Variants in PLEKHA7 observed in about 807,000 individuals in gnomAD.
PLEKHA7 encodes the protein pleckstrin homology domain containing A7, also known as pleckstrin homology domain-containing family A member 7.
Under a neutral mutation model 170.0 loss-of-function variants are expected in PLEKHA7, and 104 were observed. The observed-to-expected ratio is 0.61, with a 90% CI of 0.52 to 0.72. PLEKHA7 has a LOEUF of 0.72. Among genes scored for constraint, PLEKHA7 ranks in the 30% least tolerant of loss-of-function variants. The pLI is 0.00. For synonymous variants in PLEKHA7, 648 were observed against 660.8 expected, an observed-to-expected ratio of 0.98 and a Z score of 0.30; for missense variants, 1,615 against 1,671.7, an observed-to-expected ratio of 0.97 and a Z score of 0.59.
At chr11:16,966,181 T>C (rs1862360733) in intron 3 of PLEKHA7, among the ~76,000 whole-genome samples, 1 of 152,082 alleles carries the variant, frequency 6.6e-6, no homozygotes, top group Admixed American at 6.5e-5. Flanking sequence ...AGACTCCATC[T>C]AAAACAAACA....
At chr11:16,975,084 T>G (rs1286052708) in intron 3 of PLEKHA7, 1 of 655,422 alleles carries the variant, frequency 1.5e-6, no homozygotes, top group African/African-American at 1.9e-5. Context: ...TGTACAGTTC[T>G]ATGAGATTTC....
chr11:16,965,116 C>T (rs1862290645), intron 3 of PLEKHA7, among the ~76,000 whole-genome samples: 1 of 151,892 alleles, frequency 6.6e-6, no homozygotes, highest in South Asian at 2.1e-4. Context: ...TGAGACCAGC[C>T]TGGCCAACAT....
At chr11:16,858,260 T>C (rs1853635919) in intron 4 of PLEKHA7, among the ~76,000 whole-genome samples, 1 of 152,220 alleles carries the variant, frequency 6.6e-6, no homozygotes, top group Non-Finnish European at 1.5e-5. Flanking sequence ...ATCAAAATTA[T>C]ATATGTGACT....
intron 9 of PLEKHA7, among the ~76,000 whole-genome samples, chr11:16,828,317 C>T (rs1331649572): frequency 1.3e-5 from 2 of 152,168 alleles, no homozygotes; most frequent in African/African-American, 4.8e-5. Flanking sequence ...AGCGTCTTTT[C>T]TCTTTTTGCT....
chr11:16,969,304 A>G (rs1862568462), intron 3 of PLEKHA7, among the ~76,000 whole-genome samples: 1 of 152,206 alleles, frequency 6.6e-6, no homozygotes, highest in Non-Finnish European at 1.5e-5. Flanking sequence ...ATACAGCCAT[A>G]TGGAATCTAA....
rs1428994747 is a variant in PLEKHA7, at chr11:16,778,462, A to C, written c.*536T>G. On this transcript the variant is annotated 3_prime_UTR_variant, in exon 27 of 27. Coordinates refer to ENST00000531066, the MANE Select transcript of PLEKHA7 (RefSeq NM_001329630.2). Reference sequence around the variant, plus strand: ...GGAGTTTCACACAGAGCTGGTCATCAGGTCAGGGACAGCTGATCTCTGCAG... The same window carrying C: ...GGAGTTTCACACAGAGCTGGTCATCCGGTCAGGGACAGCTGATCTCTGCAG... 6.2e-6 allele frequency: 1 copy of C among 162,162 alleles called. No individual in the cohort carries two copies. The highest frequency in any genetic ancestry group is 1.4e-5 in the Non-Finnish European group (1 of 73,338). The allele number at this position is 162,162 out of a possible 1,614,324, so 10.0% of individuals were successfully genotyped here.
In PLEKHA7 at chr11:16,801,119, C is replaced by T. The variant is rs553890096; in HGVS notation, c.2308-44G>A. 1.1e-5 allele frequency: 18 copies of T among 1,565,914 alleles called. No homozygotes were observed. In the East Asian group the frequency reaches 3.8e-4, roughly 33 times the overall value. ...CTTCCGGTTCTTAGTTATCCCCTGCCCCCTTGGAAGGCCTCACGAACACCT... is the reference window on the plus strand; with the variant it reads ...CTTCCGGTTCTTAGTTATCCCCTGCTCCCTTGGAAGGCCTCACGAACACCT... On this transcript the variant is annotated intron_variant, in intron 16 of 26. Transcript: ENST00000531066.
intron 3 of PLEKHA7, among the ~76,000 whole-genome samples, chr11:16,879,274 CCTTA>C (rs1855534916): frequency 6.6e-6 from 1 of 152,184 alleles, no homozygotes; most frequent in African/African-American, 2.4e-5. Flanking sequence ...ATTCCTTACT[CCTTA>C]CTTATCTCCT....
intron 3 of PLEKHA7, 138 bp downstream of exon 3, chr11:17,013,851 T>G: frequency 1.4e-5 from 14 of 1,008,750 alleles, no homozygotes; most frequent in Non-Finnish European, 1.9e-5. Flanking sequence ...ACACAAAACG[T>G]TGAGTGTGGC....
intron 3 of PLEKHA7, among the ~76,000 whole-genome samples, chr11:16,935,575 T>C (rs1249241288): frequency 6.6e-6 from 1 of 152,318 alleles, no homozygotes; most frequent in South Asian, 2.1e-4. Context: ...TTTGGAGACA[T>C]AAAAGTTATT....
Position 16,783,756 on chromosome 11 carries a change from C to T in PLEKHA7, c.3594G>A (p.Glu1198=). Residue 1198 remains glutamate (E), a synonymous_variant, in exon 25 of 27, where the codon GAG becomes GAA. Transcript: ENST00000531066. ...CGGCTTTGCGGTACCGCGCCTGCAG[C>T]TCCTCAAGGCTGGGTGGCTCTTCGG... ...LDPEEPPSLE[E]LQARYRKAEK... The T allele has an allele frequency of 6.6e-7, 1 of 1,511,024 alleles. No homozygotes were observed. The allele number at this position is 1,511,024 out of a possible 1,614,324, so 93.6% of individuals were successfully genotyped here.
intron 3 of PLEKHA7, among the ~76,000 whole-genome samples, chr11:16,965,004 T>TAA (rs11447088): frequency 1.6e-4 from 23 of 148,238 alleles, no homozygotes; most frequent in African/African-American, 4.2e-4. Flanking sequence ...ATACATGATT[T>TAA]AAAAAAAAAA....
chr11:16,962,795 C>T (rs1862145660), intron 3 of PLEKHA7, among the ~76,000 whole-genome samples: 1 of 152,152 alleles, frequency 6.6e-6, no homozygotes, highest in African/African-American at 2.4e-5. Context: ...TGGCAGCCTC[C>T]CCTGAACTTG....
At chr11:16,842,809 G>T (rs1006773791) in intron 8 of PLEKHA7, among the ~76,000 whole-genome samples, 18 of 152,126 alleles carry the variant, frequency 1.2e-4, no homozygotes, top group African/African-American at 4.3e-4. Flanking sequence ...CCTACTATGT[G>T]TCTCCTAGGT....
chr11:16,816,736 C>A, intron 11 of PLEKHA7, 64 bp downstream of exon 11: 1 of 1,565,034 alleles, frequency 6.4e-7, no homozygotes, highest in Non-Finnish European at 8.7e-7. Context: ...TGTGTTCAAA[C>A]CAGGCAAAGC....
chr11:16,943,988 G>A (rs1270693076), intron 3 of PLEKHA7, among the ~76,000 whole-genome samples: 2 of 152,228 alleles, frequency 1.3e-5, no homozygotes, highest in African/African-American at 4.8e-5. Flanking sequence ...CTCAGGGTCT[G>A]CATGTTTAAG....
chr11:16,947,211 T>C (rs1001267768), intron 3 of PLEKHA7, among the ~76,000 whole-genome samples: 5 of 152,152 alleles, frequency 3.3e-5, no homozygotes, highest in Non-Finnish European at 5.9e-5. Flanking sequence ...GGTGAGGATG[T>C]GGAGAAAAGG....
chr11:16,998,385 G>A (rs1010619334), intron 3 of PLEKHA7, among the ~76,000 whole-genome samples: 24 of 152,144 alleles, frequency 1.6e-4, no homozygotes, highest in Admixed American at 5.2e-4. Flanking sequence ...TCCCCAAGGA[G>A]CAACCTGGAA....
intron 9 of PLEKHA7, among the ~76,000 whole-genome samples, chr11:16,832,706 CT>C: frequency 6.6e-6 from 1 of 152,158 alleles, no homozygotes; most frequent in Non-Finnish European, 1.5e-5. Flanking sequence ...CCAACACAGC[CT>C]TTCTGTTGTA....
Sources: gnomAD v4.1 joint callset for allele counts (sites outside exome capture counted in the v4.1 genomes callset) on GRCh38, gnomAD v4.1.1 for gene constraint, MANE v1.5 for transcripts, NCBI Gene and HGNC (gene_info 2026-07-23, HGNC 2026-07-21) for gene names.